Variants in MTSS1 observed in about 807,000 individuals in gnomAD.
MTSS1 encodes the protein protein MTSS 1.
MTSS1 carries 18 observed loss-of-function variants against 79.0 expected under a neutral mutation model. The observed-to-expected ratio is 0.23, with a 90% CI of 0.16 to 0.34. The LOEUF is 0.34. MTSS1 is among the 10% of genes least tolerant of loss of function. The pLI is 1.00. For synonymous variants in MTSS1, 341 were observed against 368.6 expected (o/e 0.93, Z 0.86); for missense variants, 815 against 986.2 (o/e 0.83, Z 2.33).
intron 3 of MTSS1, among the ~76,000 whole-genome samples, chr8:124,659,749 G>C (rs556511927): frequency 7.2e-5 from 11 of 152,304 alleles, no homozygotes; most frequent in Non-Finnish European, 1.3e-4. Flanking sequence ...GCATTGATGG[G>C]ACAACACCTG....
intron 1 of MTSS1, among the ~76,000 whole-genome samples, chr8:124,722,120 T>C (rs1004370471): frequency 1.4e-5 from 2 of 147,216 alleles, no homozygotes; most frequent in African/African-American, 2.6e-5. Flanking sequence ...CTCAACTCAA[T>C]TGATTTTTTT....
chr8:124,722,255 A>G (rs550500419), intron 1 of MTSS1, among the ~76,000 whole-genome samples: 1 of 152,248 alleles, frequency 6.6e-6, no homozygotes, highest in African/African-American at 2.4e-5. Flanking sequence ...CTTCAAACAC[A>G]GACTTACAAG....
chr8:124,701,308 T>C (rs1360237326), intron 2 of MTSS1, among the ~76,000 whole-genome samples: 2 of 152,146 alleles, frequency 1.3e-5, no homozygotes, highest in Non-Finnish European at 2.9e-5. Context: ...AACAGTAGTT[T>C]TGAAACAAAA....
In MTSS1 at chr8:124,568,549, G is replaced by A. The variant is rs1228769529; in HGVS notation, c.461-13C>T. 1.9e-6 allele frequency: 3 copies of A among 1,614,156 alleles called. No individual in the cohort carries two copies. The highest frequency in any genetic ancestry group is 2.5e-6 in the Non-Finnish European group (3 of 1,180,028). On this transcript the variant is annotated splice_polypyrimidine_tract_variant and intron_variant, in intron 6 of 13. Coordinates refer to ENST00000518547, the MANE Select transcript of MTSS1 (RefSeq NM_014751.6). ...ATATCACCTCTCCCTGCAAAAAACA[G>A]AGACCCAAGCACGGCTTGCTGAAAT...
chr8:124,626,603 G>C (rs367776737), intron 3 of MTSS1, among the ~76,000 whole-genome samples: 17 of 152,242 alleles, frequency 1.1e-4, no homozygotes, highest in African/African-American at 1.4e-4. Flanking sequence ...TGTGGGATGA[G>C]GATCTAGTAA....
At chr8:124,643,874 T>A (rs1042381387) in intron 3 of MTSS1, among the ~76,000 whole-genome samples, 18 of 152,270 alleles carry the variant, frequency 1.2e-4, no homozygotes, top group African/African-American at 3.9e-4. Flanking sequence ...GTAACTTTTA[T>A]ATGTTGTCAG....
At chr8:124,704,824 G>A (rs1251256050) in intron 1 of MTSS1, among the ~76,000 whole-genome samples, 1 of 152,100 alleles carries the variant, frequency 6.6e-6, no homozygotes, top group Non-Finnish European at 1.5e-5. Context: ...TCTAACCTCT[G>A]GGAGCCCTCA....
At chr8:124,652,465 C>T (rs1012817274) in intron 3 of MTSS1, among the ~76,000 whole-genome samples, 5 of 152,028 alleles carry the variant, frequency 3.3e-5, no homozygotes, top group South Asian at 2.1e-4. Context: ...CATGCCCAGC[C>T]GAGGAATGTC....
At chr8:124,642,362 A>T (rs558572631) in intron 3 of MTSS1, among the ~76,000 whole-genome samples, 2 of 152,188 alleles carry the variant, frequency 1.3e-5, no homozygotes, top group Non-Finnish European at 2.9e-5. Flanking sequence ...TATACTGTGG[A>T]AAGAAAAACA....
chr8:124,714,014 T>G (rs963381092), intron 1 of MTSS1, among the ~76,000 whole-genome samples: 2 of 152,192 alleles, frequency 1.3e-5, no homozygotes, highest in African/African-American at 4.8e-5. Context: ...CCCAATGTGC[T>G]GGGATTACAA....
At chr8:124,705,241 T>A (rs1309706348) in intron 1 of MTSS1, among the ~76,000 whole-genome samples, 1 of 152,070 alleles carries the variant, frequency 6.6e-6, no homozygotes, top group African/African-American at 2.4e-5. Context: ...GAGGCCAAGG[T>A]GGGCAGACAT....
intron 3 of MTSS1, among the ~76,000 whole-genome samples, chr8:124,594,895 G>A (rs1832488174): frequency 6.6e-6 from 1 of 152,222 alleles, no homozygotes; most frequent in Non-Finnish European, 1.5e-5. Context: ...ATAAGCTTCA[G>A]AGGAAACTGG....
intron 3 of MTSS1, among the ~76,000 whole-genome samples, chr8:124,667,743 T>C (rs1056537071): frequency 2.0e-5 from 3 of 152,170 alleles, no homozygotes; most frequent in Non-Finnish European, 4.4e-5. Flanking sequence ...CATCTGCAGT[T>C]GGCAAGGTCA....
chr8:124,727,827 C>T lies in MTSS1; in HGVS notation c.72+57G>A, dbSNP rs1021203688. 3 of 1,441,524 alleles carry T rather than the reference C, an allele frequency of 2.1e-6. No homozygotes were observed. Among genetic ancestry groups the T allele is most frequent in the East Asian group, 5.5e-5 (2 of 36,554 alleles). The allele number at this position is 1,441,524 out of a possible 1,614,324, so 89.3% of individuals were successfully genotyped here. A position where few individuals can be genotyped will look rare whatever the true frequency, so the allele number is the denominator to read the frequency against. ...CCCGGCCCGGGGTGGAGGCGAAGCGCGGCGGCGAGGTCAGAGCGCGGCGGC... is the reference window on the plus strand; with the variant it reads ...CCCGGCCCGGGGTGGAGGCGAAGCGTGGCGGCGAGGTCAGAGCGCGGCGGC... On this transcript the variant is annotated intron_variant, in intron 1 of 13. Transcript: ENST00000518547. The surrounding 1 kb of genome is among the most constrained non-coding windows in gnomAD (Gnocchi z 4.7).
At chr8:124,555,394 T>C (rs4870902) in intron 13 of MTSS1, among the ~76,000 whole-genome samples, 11,945 of 152,084 alleles carry the variant, frequency 0.079, 713 homozygotes, top group South Asian at 0.31. Context: ...TACAGGCGCC[T>C]GCCACCACGC....
chr8:124,657,146 G>C (rs1332994209), intron 3 of MTSS1, among the ~76,000 whole-genome samples: 1 of 152,140 alleles, frequency 6.6e-6, no homozygotes, highest in Admixed American at 6.5e-5. Context: ...GGTTGGTCTT[G>C]TTGTTGTTTT....
intron 3 of MTSS1, among the ~76,000 whole-genome samples, chr8:124,669,315 A>G (rs1823698700): frequency 6.6e-6 from 1 of 152,242 alleles, no homozygotes; most frequent in African/African-American, 2.4e-5. Flanking sequence ...CTCCGCTGAG[A>G]TAGTGTGACA....
chr8:124,632,033 T>C (rs1004914592), intron 3 of MTSS1, among the ~76,000 whole-genome samples: 2 of 152,242 alleles, frequency 1.3e-5, no homozygotes, highest in African/African-American at 4.8e-5. Context: ...GCCCAACACT[T>C]TGGGAGGCCA....
intron 3 of MTSS1, among the ~76,000 whole-genome samples, chr8:124,697,127 A>G (rs1828965619): frequency 6.6e-6 from 1 of 152,182 alleles, no homozygotes; most frequent in Non-Finnish European, 1.5e-5. Flanking sequence ...CAATCTGGGA[A>G]TCTCTTTCCA....
Sources: allele counts gnomAD v4.1 joint callset (sites outside exome capture counted in the v4.1 genomes callset), GRCh38; gene constraint gnomAD v4.1.1; non-coding constraint Gnocchi (gnomAD v3.1); transcripts MANE v1.5; gene names NCBI Gene and HGNC (gene_info 2026-07-23, HGNC 2026-07-21).